LZTS1: variants seen among roughly 807,000 people sequenced by gnomAD.
LZTS1 encodes leucine zipper putative tumor suppressor 1.
A neutral mutation model predicts 45.8 loss-of-function variants in LZTS1; 31 were observed. That is an observed-to-expected ratio of 0.68 (90% confidence interval 0.51 to 0.91). LZTS1 has a LOEUF of 0.91. LZTS1 is among the 40% of genes least tolerant of loss of function. The pLI is 0.00. For missense variants in LZTS1, 821 were observed against 788.9 expected, an observed-to-expected ratio of 1.04 and a Z score of -0.49; for synonymous variants, 359 against 357.3, an observed-to-expected ratio of 1.00 and a Z score of -0.05.
Position 20,247,584 on chromosome 8 carries a change from T to C in LZTS1, c.*2138A>G, listed in dbSNP as rs2128890106. 1 of 152,944 alleles carries C rather than the reference T, an allele frequency of 6.5e-6. No individual in the cohort carries two copies. Among genetic ancestry groups the C allele is most frequent in the African/African-American group, 2.4e-5 (1 of 41,594 alleles). 9.5% of individuals were successfully genotyped at this position (152,944 alleles called of 1,614,324 possible). The stretch of plus-strand genomic sequence containing the variant: ...TGTAGATTCCAGGTTTAAGCCTAGC[T>C]TGGGACTAAGAGCAATGGTTTGAAA... On this transcript the variant is annotated 3_prime_UTR_variant, in exon 4 of 4. Transcript: ENST00000381569.
chr8:20,268,893 C>T (rs1159821766), intron 1 of LZTS1, among the ~76,000 whole-genome samples: 5 of 152,046 alleles, frequency 3.3e-5, no homozygotes, highest in Admixed American at 3.3e-4. Context: ...GTCGAACAAT[C>T]GGAAGCAATT....
At chr8:20,276,143 A>G (rs977037106) in intron 1 of LZTS1, among the ~76,000 whole-genome samples, 4 of 152,190 alleles carry the variant, frequency 2.6e-5, no homozygotes, top group Admixed American at 2.0e-4. Flanking sequence ...TCATTTTAAG[A>G]TACGCTGGTT....
At chr8:20,250,710 T>A (rs1799872801) in intron 3 of LZTS1, among the ~76,000 whole-genome samples, 1 of 152,108 alleles carries the variant, frequency 6.6e-6, no homozygotes, top group South Asian at 2.1e-4. Flanking sequence ...CTGATTCTCC[T>A]GCCTCAGCCT....
rs1332001114 is a variant in LZTS1 at position 20,258,155 on chromosome 8, A to G, written c.-134-2840T>C. Among the ~76,000 whole-genome samples, 3 of 152,326 alleles carry G rather than the reference A, an allele frequency of 2.0e-5. No individual in the cohort carries two copies. In the East Asian group the frequency reaches 5.8e-4, roughly 29 times the overall value. Reference sequence around the variant, plus strand: ...TAGGAAAGGTTGGTGATTGTCATGCACTGTGAAGTATTTCTTAGTCAAAAG... The same window carrying G: ...TAGGAAAGGTTGGTGATTGTCATGCGCTGTGAAGTATTTCTTAGTCAAAAG... On this transcript the variant is annotated intron_variant, in intron 1 of 3. Coordinates refer to ENST00000381569, the MANE Select transcript of LZTS1 (RefSeq NM_021020.5).
chr8:20,252,792 G>A lies in LZTS1; in HGVS notation c.1139C>T (p.Thr380Ile). Residue 380 changes from threonine to isoleucine, a missense_variant, in exon 3 of 4, where the codon ACC becomes ATC. Physicochemically the swap from Thr to Ile is moderately conservative, Grantham distance 89. Coordinates refer to ENST00000381569, the MANE Select transcript of LZTS1 (RefSeq NM_021020.5). Reference protein sequence around the residue: ...KTSFGPALEETQWEVCQKSGE... With the variant: ...KTSFGPALEEIQWEVCQKSGE... The stretch of plus-strand genomic sequence containing the variant: ...CCTGTGTGGCCTCACCTCCCACTGG[G>A]TCTCCTCCAGCGCGGGGCCGAAGCT... 2.6e-6 allele frequency: 4 copies of A among 1,516,212 alleles called. No homozygotes were observed. The South Asian group carries it at 3.9e-5, about 15-fold the overall frequency. 93.9% of individuals were successfully genotyped at this position (1,516,212 alleles called of 1,614,324 possible). A position where few individuals can be genotyped will look rare whatever the true frequency, so the allele number is the denominator to read the frequency against.
chr8:20,276,188 T>C lies in LZTS1; in HGVS notation c.-134-20873A>G, dbSNP rs528432118. Among the ~76,000 whole-genome samples the C allele has an allele frequency of 2.6e-5, 4 of 152,264 alleles. No individual in the cohort carries two copies. In the South Asian group the frequency reaches 8.3e-4, roughly 32 times the overall value. On this transcript the variant is annotated intron_variant, in intron 1 of 3. Coordinates refer to ENST00000381569, the MANE Select transcript of LZTS1 (RefSeq NM_021020.5). ...GATGACTATGATATTATAAAATATA[T>C]ATTTGGTCTTTGACCCCATTTCCTG...
chr8:20,295,737 C>T (rs1800968318), intron 1 of LZTS1, among the ~76,000 whole-genome samples: 1 of 152,092 alleles, frequency 6.6e-6, no homozygotes, highest in Admixed American at 6.5e-5. Flanking sequence ...AGGGCAGAAC[C>T]CTTCTCTTCC....
At chr8:20,279,159 G>A (rs1800638966) in intron 1 of LZTS1, among the ~76,000 whole-genome samples, 1 of 152,198 alleles carries the variant, frequency 6.6e-6, no homozygotes, top group East Asian at 1.9e-4. Flanking sequence ...GCCATCCTAT[G>A]TTTTCTTTGC....
At position 20,254,895 on chromosome 8, in the gene LZTS1, A is replaced by G; in HGVS notation, c.287T>C (p.Val96Ala). 1.9e-6 allele frequency: 3 copies of G among 1,613,984 alleles called. No individual in the cohort carries two copies. The highest frequency in any genetic ancestry group is 2.5e-6 in the Non-Finnish European group (3 of 1,179,986). Residue 96 changes from valine to alanine, a missense_variant, in exon 2 of 4, where the codon GTG becomes GCG. Transcript: ENST00000381569. ...SSGDLGGQAGVDFDPSTPPKL... is the reference protein window; with the variant it reads ...SSGDLGGQAGADFDPSTPPKL... The stretch of plus-strand genomic sequence containing the variant: ...GGGGGGTGTGGACGGGTCAAAGTCC[A>G]CCCCAGCCTGGCCCCCTAAATCCCC...
intron 1 of LZTS1, among the ~76,000 whole-genome samples, chr8:20,301,482 G>A (rs1801075979): frequency 6.6e-6 from 1 of 152,148 alleles, no homozygotes; most frequent in Non-Finnish European, 1.5e-5. Flanking sequence ...TTACCCATAG[G>A]TCTGTCATCA....
chr8:20,295,938 G>A (rs1254523268), intron 1 of LZTS1, among the ~76,000 whole-genome samples: 2 of 152,146 alleles, frequency 1.3e-5, no homozygotes, highest in Admixed American at 1.3e-4. Flanking sequence ...CCTTCACGCT[G>A]TCTTCCCTCC....
At chr8:20,267,918 A>G (rs1293680812) in intron 1 of LZTS1, among the ~76,000 whole-genome samples, 2 of 152,130 alleles carry the variant, frequency 1.3e-5, no homozygotes, top group African/African-American at 4.8e-5. Context: ...ATACAATTCA[A>G]TCTTTCAGGG....
At chr8:20,276,720 C>A (rs778829885) in intron 1 of LZTS1, among the ~76,000 whole-genome samples, 1 of 152,174 alleles carries the variant, frequency 6.6e-6, no homozygotes, top group African/African-American at 2.4e-5. Context: ...GGTGAAACAA[C>A]CTGGTGAATT....
intron 1 of LZTS1, among the ~76,000 whole-genome samples, chr8:20,287,897 C>CA (rs34653802): frequency 0.28 from 14,775 of 52,286 alleles, 1,275 homozygotes; most frequent in Non-Finnish European, 0.31. Context: ...GCACTCCAGC[C>CA]AAAAAAAAAA....
intron 1 of LZTS1, among the ~76,000 whole-genome samples, chr8:20,300,370 T>TTG: frequency 6.6e-6 from 1 of 152,280 alleles, no homozygotes; most frequent in African/African-American, 2.4e-5. Flanking sequence ...TCTCTCTCTG[T>TTG]TGCCCAGACT....
intron 1 of LZTS1, among the ~76,000 whole-genome samples, chr8:20,293,345 C>T (rs1228921333): frequency 6.6e-6 from 1 of 152,182 alleles, no homozygotes; most frequent in Non-Finnish European, 1.5e-5. Context: ...ACGTGCCTTT[C>T]TAGAAAGGTT....
intron 1 of LZTS1, among the ~76,000 whole-genome samples, chr8:20,257,075 C>T (rs895507076): frequency 4.0e-5 from 6 of 151,892 alleles, no homozygotes; most frequent in Non-Finnish European, 5.9e-5. Flanking sequence ...AATGGCCAGG[C>T]GCAATGGCTC....
rs969970759 is a variant in LZTS1 at position 20,303,937 on chromosome 8, G to T, written c.-332C>A. ...CTCCCCGCCCGGCCGCTGCCAACCC[G>T]CCAGCTCCAGGCGCGCCGGCCTCTG... On this transcript the variant is annotated 5_prime_UTR_variant, in exon 1 of 4. Transcript: ENST00000381569. The T allele has an allele frequency of 3.1e-6, 3 of 979,890 alleles. No individual in the cohort carries two copies. Among genetic ancestry groups the T allele is most frequent in the African/African-American group, 3.5e-5 (2 of 56,936 alleles). 60.7% of individuals were successfully genotyped at this position (979,890 alleles called of 1,614,324 possible).
intron 1 of LZTS1, among the ~76,000 whole-genome samples, chr8:20,266,527 C>T (rs913814161): frequency 3.9e-5 from 6 of 151,918 alleles, no homozygotes; most frequent in Non-Finnish European, 1.5e-5. Flanking sequence ...GACTTTGAGA[C>T]AACTGGTCAC....
Sources: gnomAD v4.1 joint callset for allele counts (sites outside exome capture counted in the v4.1 genomes callset) on GRCh38, gnomAD v4.1.1 for gene constraint, MANE v1.5 for transcripts, NCBI Gene and HGNC (gene_info 2026-07-23, HGNC 2026-07-21) for gene names.